The following MRNIP variants were observed in gnomAD, a reference collection of about 807,000 sequenced individuals.
The protein encoded by MRNIP is MRN complex-interacting protein.
MRNIP carries 30 observed loss-of-function variants against 29.8 expected under a neutral mutation model. The observed-to-expected ratio is 1.01, with a 90% CI of 0.75 to 1.36. The LOEUF (loss-of-function observed/expected upper bound fraction) is 1.36, where lower values mean the gene tolerates loss of function less well. Ranked by LOEUF, MRNIP falls within the 40% of genes most tolerant of loss-of-function variation. The pLI, the probability that MRNIP is intolerant of heterozygous loss-of-function variation, is 0.00. For missense variants in MRNIP, 459 were observed against 423.5 expected (o/e 1.08, Z -0.74); for synonymous variants, 201 against 164.1 (o/e 1.23, Z -1.72).
intron 2 of MRNIP, chr5:179,851,258 CTCTCT>C (rs1320302436): frequency 6.6e-6 from 3 of 455,924 alleles, no homozygotes; most frequent in African/African-American, 4.0e-5. Flanking sequence ...AAGCCAGCCC[CTCTCT>C]TCTGAGACCC....
rs552010539 is a variant in MRNIP, at chr5:179,853,775, A to AAAAC, written c.67-342_67-339dup. On this transcript the variant is annotated intron_variant, in intron 1 of 6. Coordinates refer to ENST00000292586, the MANE Select transcript of MRNIP (RefSeq NM_016175.4). ...CGACAGGGTGAGACTCCATCTCAAAAAAACAAACAAACAAACAAAAAACAA... is the reference window on the plus strand; with the variant it reads ...CGACAGGGTGAGACTCCATCTCAAAAAAACAAACAAACAAACAAACAAAAAACAA... 9.0e-3 allele frequency among the ~76,000 whole-genome samples: 1,364 copies of AAAAC among 152,030 alleles called. 14 individuals carry two copies. The highest frequency in any genetic ancestry group is 0.048 in the Middle Eastern group (14 of 294).
At chr5:179,850,633 A>C (rs1185162438) in intron 2 of MRNIP, among the ~76,000 whole-genome samples, 2 of 152,176 alleles carry the variant, frequency 1.3e-5, no homozygotes, top group Non-Finnish European at 2.9e-5. Flanking sequence ...TCCTGTTTGG[A>C]GCACATTCGC....
chr5:179,855,299 C>G (rs1454944314), intron 1 of MRNIP, among the ~76,000 whole-genome samples: 1 of 152,058 alleles, frequency 6.6e-6, no homozygotes, highest in Admixed American at 6.6e-5. Context: ...CACGTGCCAC[C>G]ACGCCCGGCT....
chr5:179,851,369 C>T (rs1352359648), intron 2 of MRNIP: 2 of 456,074 alleles, frequency 4.4e-6, no homozygotes, highest in Admixed American at 2.3e-5. Flanking sequence ...TCAGCTCTTC[C>T]AGTTGGCTTG....
intron 5 of MRNIP, 34 bp from the exon 6 acceptor site, chr5:179,840,993 A>C (rs1039593809): frequency 6.7e-7 from 1 of 1,481,872 alleles, no homozygotes; most frequent in South Asian, 1.2e-5. Flanking sequence ...GTCCCGTGCT[A>C]CTCTCCAGTG....
chr5:179,839,524 C>T (rs1233748703), intron 6 of MRNIP: 9 of 152,246 alleles, frequency 5.9e-5, no homozygotes, highest in African/African-American at 2.2e-4. Flanking sequence ...AGGGACTGGC[C>T]CGTGGCAGAC....
At position 179,846,502 on chromosome 5, in the gene MRNIP, C is replaced by G. The variant is rs139012782; in HGVS notation, c.215+1476G>C. On this transcript the variant is annotated intron_variant, in intron 3 of 6. Transcript: ENST00000292586. ...TTCATCGTATTGGCCAGGATGGTCTCGATCTCTTGACCTCATGATCCATCT... is the reference window on the plus strand; with the variant it reads ...TTCATCGTATTGGCCAGGATGGTCTGGATCTCTTGACCTCATGATCCATCT... Among the ~76,000 whole-genome samples, 408 of 152,068 alleles carry G rather than the reference C, an allele frequency of 2.7e-3. 3 individuals carry two copies. Among genetic ancestry groups the G allele is most frequent in the African/African-American group, 9.5e-3 (392 of 41,460 alleles).
At chr5:179,845,601 T>C (rs1759094916) in intron 3 of MRNIP, among the ~76,000 whole-genome samples, 1 of 151,658 alleles carries the variant, frequency 6.6e-6, no homozygotes, top group Non-Finnish European at 1.5e-5. Context: ...GCTCAAGCGA[T>C]TCTTATGCCT....
At chr5:179,848,830 A>C (rs754678550) in intron 2 of MRNIP, among the ~76,000 whole-genome samples, 61 of 152,254 alleles carry the variant, frequency 4.0e-4, no homozygotes, top group Non-Finnish European at 8.4e-4. Flanking sequence ...TAGGGGAAGA[A>C]CATTCCAGCA....
chr5:179,856,656 A>G (rs1208731144), intron 1 of MRNIP, among the ~76,000 whole-genome samples: 2 of 152,296 alleles, frequency 1.3e-5, no homozygotes, highest in Non-Finnish European at 2.9e-5. Flanking sequence ...GAATTTTAGT[A>G]GAGACAAGGT....
At chr5:179,853,521 A>G in intron 1 of MRNIP, 84 bp from the exon 2 acceptor site, 1 of 1,166,882 alleles carries the variant, frequency 8.6e-7, no homozygotes, top group South Asian at 1.3e-5. Context: ...TCATGCCTGT[A>G]ATCCCCCTTT....
chr5:179,857,989 C>A (rs1759666369), intron 1 of MRNIP, among the ~76,000 whole-genome samples: 1 of 129,528 alleles, frequency 7.7e-6, no homozygotes, highest in Non-Finnish European at 1.6e-5. Context: ...CCAGCCTGGG[C>A]AACAAGAGCG....
chr5:179,850,906 GGCTAGAAGCACAGT>G (rs1759341132), intron 2 of MRNIP, among the ~76,000 whole-genome samples: 1 of 19,484 alleles, frequency 5.1e-5, no homozygotes, highest in Admixed American at 7.8e-4. Context: ...CCTTCTCAGT[GGCTAGAAGCACAGT>G]GGCTAGAAGC....
chr5:179,844,098 T>G, intron 4 of MRNIP, 54 bp downstream of exon 4: 1 of 1,430,074 alleles, frequency 7.0e-7, no homozygotes, highest in Non-Finnish European at 9.9e-7. Context: ...CATCTGTGCA[T>G]TCATCCCTTC....
chr5:179,850,595 A>T (rs1228055902), intron 2 of MRNIP, among the ~76,000 whole-genome samples: 1 of 152,178 alleles, frequency 6.6e-6, no homozygotes, highest in Admixed American at 6.5e-5. Context: ...TGACAGAAGC[A>T]ATTGTAATGG....
At chr5:179,855,639 A>C (rs1454731455) in intron 1 of MRNIP, among the ~76,000 whole-genome samples, 2 of 152,344 alleles carry the variant, frequency 1.3e-5, no homozygotes, top group East Asian at 3.9e-4. Context: ...AAGGGATACC[A>C]AGGTTACTTG....
intron 6 of MRNIP, chr5:179,839,544 A>AC (rs1758776441): frequency 6.6e-6 from 1 of 152,262 alleles, no homozygotes; most frequent in Admixed American, 6.5e-5. Context: ...CTCTCTGGTC[A>AC]TTCTTCTAGG....
In MRNIP at chr5:179,837,603, C is replaced by T; in HGVS notation, c.820G>A (p.Glu274Lys). ...QGTPRAQASR[E>K]GLSRPTAAVQ... is the part of the protein sequence containing the mutation. The stretch of plus-strand genomic sequence containing the variant: ...GCGGCAGTGGGCCTGCTGAGGCCTT[C>T]TCTTGAGGCCTGTGCTCTGGGGGTC... Residue 274 changes from glutamate (E) to lysine (K), a missense_variant, in exon 7 of 7, where the codon GAA becomes AAA. Transcript: ENST00000292586. The T allele has an allele frequency of 1.9e-6, 3 of 1,614,050 alleles. No individual in the cohort carries two copies. The highest frequency in any genetic ancestry group is 2.2e-5 in the East Asian group (1 of 44,888).
At chr5:179,852,243 G>A (rs190188553) in intron 2 of MRNIP, among the ~76,000 whole-genome samples, 198 of 144,598 alleles carry the variant, frequency 1.4e-3, no homozygotes, top group Non-Finnish European at 2.4e-3. Context: ...CCGAGATTGC[G>A]CCACTGCACT....
Sources: gnomAD v4.1 joint callset for allele counts (sites outside exome capture counted in the v4.1 genomes callset) on GRCh38, gnomAD v4.1.1 for gene constraint, MANE v1.5 for transcripts, NCBI Gene and HGNC (gene_info 2026-07-23, HGNC 2026-07-21) for gene names.